The following CSMD1 variants were observed in gnomAD, a reference collection of about 807,000 sequenced individuals.
CSMD1 encodes CUB and Sushi multiple domains 1.
CSMD1 carries 213 observed loss-of-function variants against 417.5 expected under a neutral mutation model. That is an observed-to-expected ratio of 0.51 (90% CI 0.46 to 0.57). CSMD1 has a LOEUF of 0.57. Among genes scored for constraint, CSMD1 ranks in the 20% least tolerant of loss-of-function variants. CSMD1 has a pLI of 0.00. For missense variants in CSMD1, 6,923 were observed against 4,529.7 expected (o/e 1.53, Z -15.17); for synonymous variants, 2,862 against 1,736.8 (o/e 1.65, Z -16.11).
intron 49 of CSMD1, among the ~76,000 whole-genome samples, chr8:3,063,774 G>A (rs1291800565): frequency 6.6e-6 from 1 of 152,188 alleles, no homozygotes; most frequent in African/African-American, 2.4e-5. Context: ...GCCTAGAGTA[G>A]TTGAATTCAG....
Position 3,677,936 on chromosome 8 carries a change from G to C in CSMD1, c.1009+30478C>G, listed in dbSNP as rs150203576. Among the ~76,000 whole-genome samples, 121 of 152,162 alleles carry C rather than the reference G, an allele frequency of 8.0e-4. No individual in the cohort carries two copies. The East Asian group carries it at 8.7e-3, about 11-fold the overall frequency. On this transcript the variant is annotated intron_variant, in intron 7 of 69. Coordinates refer to ENST00000635120, the MANE Select transcript of CSMD1 (RefSeq NM_033225.6). The stretch of plus-strand genomic sequence containing the variant: ...GAGCTGTTTGTATTAGACAAAATAA[G>C]ACAGGAATGCACTTGAGGAGCAGAA...
At position 3,060,245 on chromosome 8, in the gene CSMD1, A is replaced by C. The variant is rs79183594; in HGVS notation, c.7475-7598T>G. Among the ~76,000 whole-genome samples the C allele has an allele frequency of 8.7e-3, 1,312 of 151,094 alleles. 22 individuals are homozygous for C. Among genetic ancestry groups the C allele is most frequent in the African/African-American group, 0.03 (1,241 of 41,144 alleles). On this transcript the variant is annotated intron_variant, in intron 49 of 69. Transcript: ENST00000635120. ...ACTCTAACCTCCACCTCCCGAGTTC[A>C]AGCGATTCTCCTGTCTCAGCCTCCT...
At chr8:4,062,443 C>A (rs2554705) in intron 3 of CSMD1, among the ~76,000 whole-genome samples, 1 of 151,960 alleles carries the variant, frequency 6.6e-6, no homozygotes, top group Admixed American at 6.6e-5. Flanking sequence ...CTAAGAATCT[C>A]AGATATCTGA....
chr8:3,708,998 T>C (rs1411105656), intron 6 of CSMD1, among the ~76,000 whole-genome samples: 1 of 152,178 alleles, frequency 6.6e-6, no homozygotes, highest in Non-Finnish European at 1.5e-5. Flanking sequence ...ATGCTCTACG[T>C]GCTGTAGATA....
chr8:4,187,278 T>C (rs905452766), intron 3 of CSMD1, among the ~76,000 whole-genome samples: 1 of 152,216 alleles, frequency 6.6e-6, no homozygotes, highest in African/African-American at 2.4e-5. Flanking sequence ...TTTTAGGGAA[T>C]ACTGATGCTC....
intron 3 of CSMD1, among the ~76,000 whole-genome samples, chr8:4,089,977 G>T (rs567476636): frequency 1.3e-5 from 2 of 152,064 alleles, no homozygotes; most frequent in Admixed American, 6.6e-5. Flanking sequence ...ATAGAATGCC[G>T]CTATAATGGA....
chr8:4,036,734 G>A (rs112785263), intron 3 of CSMD1, among the ~76,000 whole-genome samples: 3 of 152,182 alleles, frequency 2.0e-5, no homozygotes, highest in East Asian at 1.9e-4. Context: ...TGCAGTTGCA[G>A]GCTTTTATTT....
At chr8:3,621,991 ATGTG>A (rs35068961) in intron 7 of CSMD1, among the ~76,000 whole-genome samples, 1,881 of 143,084 alleles carry the variant, frequency 0.013, 37 homozygotes, top group African/African-American at 0.044. Flanking sequence ...GTGTGTGTGT[ATGTG>A]TGTGTGTGTG....
chr8:3,918,035 T>A (rs1441977977), intron 5 of CSMD1, among the ~76,000 whole-genome samples: 1 of 152,110 alleles, frequency 6.6e-6, no homozygotes, highest in Non-Finnish European at 1.5e-5. Context: ...ATTTCCTTCT[T>A]TTTTAAGGGG....
At chr8:4,929,022 G>C (rs756540552) in intron 1 of CSMD1, among the ~76,000 whole-genome samples, 3 of 152,158 alleles carry the variant, frequency 2.0e-5, no homozygotes, top group African/African-American at 7.2e-5. Flanking sequence ...AGTGAGCCGA[G>C]ATTGCACCAC....
At chr8:4,101,430 G>T (rs1458317677) in intron 3 of CSMD1, among the ~76,000 whole-genome samples, 1 of 152,132 alleles carries the variant, frequency 6.6e-6, no homozygotes, top group African/African-American at 2.4e-5. Context: ...TTCATTGGCT[G>T]CACAGTTACC....
chr8:4,450,002 C>G (rs1420327984), intron 2 of CSMD1, among the ~76,000 whole-genome samples: 1 of 152,212 alleles, frequency 6.6e-6, no homozygotes, highest in Non-Finnish European at 1.5e-5. Flanking sequence ...TCCTAGCCAT[C>G]TCTCCTGCTA....
At chr8:4,117,852 G>A (rs189907441) in intron 3 of CSMD1, among the ~76,000 whole-genome samples, 16 of 150,938 alleles carry the variant, frequency 1.1e-4, no homozygotes, top group Middle Eastern at 3.4e-3. Flanking sequence ...ACAAAAGACA[G>A]AGACTCAGGG....
chr8:4,924,649 G>A (rs979336237), intron 1 of CSMD1, among the ~76,000 whole-genome samples: 6 of 141,402 alleles, frequency 4.2e-5, no homozygotes, highest in African/African-American at 1.6e-4. Flanking sequence ...TTGAAACTGG[G>A]AGGTGGAGGT....
intron 5 of CSMD1, among the ~76,000 whole-genome samples, chr8:3,947,777 CTG>C (rs1811335062): frequency 6.6e-6 from 1 of 152,168 alleles, no homozygotes; most frequent in African/African-American, 2.4e-5. Context: ...GTTGAAAGGA[CTG>C]TGTCTTCCGC....
chr8:3,428,042 C>T (rs1046926336), intron 12 of CSMD1, among the ~76,000 whole-genome samples: 5 of 152,162 alleles, frequency 3.3e-5, no homozygotes, highest in African/African-American at 1.2e-4. Flanking sequence ...TTATCTGCTT[C>T]GTTGCGTCTA....
intron 54 of CSMD1, among the ~76,000 whole-genome samples, chr8:2,992,629 G>A (rs538197126): frequency 1.3e-5 from 2 of 152,020 alleles, no homozygotes; most frequent in African/African-American, 2.4e-5. Flanking sequence ...GTTTCACCAT[G>A]TTGGTCAGGC....
intron 7 of CSMD1, among the ~76,000 whole-genome samples, chr8:3,706,124 T>C (rs13275720): frequency 0.92 from 140,348 of 152,284 alleles, 64,741 homozygotes; most frequent in East Asian, 0.99. Context: ...CCCCGTGTGG[T>C]TCACTTCCCT....
Position 3,708,490 on chromosome 8 carries a change from C to A in CSMD1, c.933G>T (p.Val311=), listed in dbSNP as rs376995728. The A allele has an allele frequency of 6.2e-7, 1 of 1,613,740 alleles. No individual in the cohort carries two copies. The highest frequency in any genetic ancestry group is 8.5e-7 in the Non-Finnish European group (1 of 1,179,824). ...RRKGFNAQFQ[V]KKAIELKSRG... ...TTGACTTCAACTCAATCGCCTTTTT[C>A]ACTGGAAGAAACAAAACCAAGCCAT... The change falls in exon 7 of 70, where the codon GTG becomes GTT. Residue 311 remains valine, a splice_region_variant and synonymous_variant. Coordinates refer to ENST00000635120, the MANE Select transcript of CSMD1 (RefSeq NM_033225.6).
Sources: gnomAD v4.1 joint callset for allele counts (sites outside exome capture counted in the v4.1 genomes callset) on GRCh38, gnomAD v4.1.1 for gene constraint, MANE v1.5 for transcripts, NCBI Gene and HGNC (gene_info 2026-07-23, HGNC 2026-07-21) for gene names.